Variants in FGF14 observed in about 807,000 individuals in gnomAD.
FGF14 encodes the protein fibroblast growth factor 14.
Under a neutral mutation model 25.5 loss-of-function variants are expected in FGF14, and 5 were observed. That is an observed-to-expected ratio of 0.20 (90% CI 0.10 to 0.41). The LOEUF is 0.41. Ranked by LOEUF, FGF14 falls within the 10% of genes least tolerant of loss-of-function variation. FGF14 has a pLI of 1.00. For missense variants in FGF14, 222 were observed against 320.1 expected, an observed-to-expected ratio of 0.69 and a Z score of 2.34; for synonymous variants, 138 against 118.3, an observed-to-expected ratio of 1.17 and a Z score of -1.08.
intron 3 of FGF14, among the ~76,000 whole-genome samples, chr13:101,824,216 G>A (rs2042296141): frequency 6.6e-6 from 1 of 151,972 alleles, no homozygotes; most frequent in Non-Finnish European, 1.5e-5. Context: ...TCTACTAGAA[G>A]GTCAGCTTAA....
At chr13:102,315,924 C>G (rs2055999165) in intron 1 of FGF14, among the ~76,000 whole-genome samples, 1 of 152,208 alleles carries the variant, frequency 6.6e-6, no homozygotes. Context: ...TACACTCTTT[C>G]ATGAATATAC....
intron 1 of FGF14, among the ~76,000 whole-genome samples, chr13:102,370,104 AC>A (rs954701368): frequency 1.3e-5 from 2 of 152,078 alleles, no homozygotes; most frequent in Non-Finnish European, 2.9e-5. Context: ...TAATGCTCCT[AC>A]CTCAGCCTCC....
chr13:102,081,489 G>A (rs186333195), intron 1 of FGF14, among the ~76,000 whole-genome samples: 50 of 152,044 alleles, frequency 3.3e-4, no homozygotes, highest in Middle Eastern at 3.4e-3. Flanking sequence ...AACATTCATC[G>A]ACCTTCCCAC....
chr13:102,232,352 G>A (rs940735048), intron 1 of FGF14, among the ~76,000 whole-genome samples: 1 of 152,156 alleles, frequency 6.6e-6, no homozygotes, highest in Non-Finnish European at 1.5e-5. Flanking sequence ...ACAGTAAGTT[G>A]CAATGCTATA....
intron 3 of FGF14, among the ~76,000 whole-genome samples, chr13:101,759,491 GC>G (rs2037872053): frequency 6.6e-6 from 1 of 152,112 alleles, no homozygotes; most frequent in Admixed American, 6.5e-5. Flanking sequence ...TAGCTTGGTT[GC>G]CTGGGATTCA....
intron 1 of FGF14, among the ~76,000 whole-genome samples, chr13:102,352,319 C>T (rs915122190): frequency 1.3e-5 from 2 of 150,458 alleles, no homozygotes; most frequent in Admixed American, 1.3e-4. Context: ...AATTGAAATA[C>T]CTACAGAATA....
At chr13:102,047,107 A>G (rs1453070787) in intron 1 of FGF14, among the ~76,000 whole-genome samples, 2 of 152,218 alleles carry the variant, frequency 1.3e-5, no homozygotes, top group Non-Finnish European at 2.9e-5. Context: ...AAAACTGAAT[A>G]AATAGTATAT....
chr13:102,285,640 GGATAA>G (rs746331611), intron 1 of FGF14, among the ~76,000 whole-genome samples: 21 of 152,154 alleles, frequency 1.4e-4, no homozygotes, highest in African/African-American at 4.6e-4. Context: ...TTCAGCAAAT[GGATAA>G]GATAAATCTC....
chr13:102,371,971 T>C (rs1409202242), intron 1 of FGF14, among the ~76,000 whole-genome samples: 1 of 152,184 alleles, frequency 6.6e-6, no homozygotes, highest in Non-Finnish European at 1.5e-5. Context: ...AGTTGGAAGA[T>C]GCTTAGGTTC....
At chr13:101,964,444 C>T (rs1594846894) in intron 1 of FGF14, among the ~76,000 whole-genome samples, 2 of 152,322 alleles carry the variant, frequency 1.3e-5, no homozygotes, top group East Asian at 1.9e-4. Flanking sequence ...CTATCCAGCC[C>T]ATGAAGAACA....
intron 1 of FGF14, among the ~76,000 whole-genome samples, chr13:102,183,201 A>G (rs2048744446): frequency 6.6e-6 from 1 of 152,184 alleles, no homozygotes; most frequent in African/African-American, 2.4e-5. Flanking sequence ...TATAAAAAAA[A>G]GACTCACCTA....
chr13:101,733,311 AC>A (rs2035933494), intron 3 of FGF14, among the ~76,000 whole-genome samples: 1 of 152,130 alleles, frequency 6.6e-6, no homozygotes, highest in Non-Finnish European at 1.5e-5. Flanking sequence ...TTAAGAGACA[AC>A]TTTTGGCAGT....
At chr13:102,336,356 G>A (rs1025666527) in intron 1 of FGF14, among the ~76,000 whole-genome samples, 2 of 152,146 alleles carry the variant, frequency 1.3e-5, no homozygotes, top group African/African-American at 2.4e-5. Flanking sequence ...CAACATTCCC[G>A]TAAGCCAAAG....
rs995876672 is a variant in FGF14, at chr13:101,719,131, T to A, written c.*3700A>T. 2.6e-5 allele frequency: 4 copies of A among 152,270 alleles called. No homozygotes were observed. The highest frequency in any genetic ancestry group is 6.8e-3 in the Middle Eastern group (2 of 294). 9.4% of individuals were successfully genotyped at this position (152,270 alleles called of 1,614,324 possible). On this transcript the variant is annotated 3_prime_UTR_variant, in exon 5 of 5. Transcript: ENST00000376143. ...TTGAATATGTATCAAATATTAATGA[T>A]CCATAATATTAGGGAGATAATTTTA...
Position 101,888,989 on chromosome 13 carries a change from G to A in FGF14, c.194-13693C>T, listed in dbSNP as rs74913092. Among the ~76,000 whole-genome samples, 754 of 152,196 alleles carry A rather than the reference G, an allele frequency of 5.0e-3. 3 individuals are homozygous for A. Among genetic ancestry groups the A allele is most frequent in the Admixed American group, 7.3e-3 (112 of 15,274 alleles). ...GTTGGGCCTTAGTCCAATAGGTCTG[G>A]TATCCTTATGGAAGAGGAGATTAGG... On this transcript the variant is annotated intron_variant, in intron 1 of 4. Coordinates refer to ENST00000376143, the MANE Select transcript of FGF14 (RefSeq NM_004115.4).
intron 1 of FGF14, among the ~76,000 whole-genome samples, chr13:102,127,618 TATTA>T (rs1218185264): frequency 6.6e-6 from 1 of 152,234 alleles, no homozygotes; most frequent in African/African-American, 2.4e-5. Context: ...CTTATGATTT[TATTA>T]TTTAAAATTT....
At chr13:102,070,425 G>A (rs2043108680) in intron 1 of FGF14, among the ~76,000 whole-genome samples, 1 of 152,202 alleles carries the variant, frequency 6.6e-6, no homozygotes, top group South Asian at 2.1e-4. Flanking sequence ...CTTGTACACT[G>A]TTGGTGGGAA....
intron 1 of FGF14, among the ~76,000 whole-genome samples, chr13:101,929,220 GGAAA>G (rs2034579553): frequency 1.3e-5 from 2 of 152,260 alleles, no homozygotes; most frequent in South Asian, 4.1e-4. Flanking sequence ...CAAGAACAGT[GGAAA>G]GAGTCAGCTC....
chr13:101,983,124 A>G (rs1457407932), intron 1 of FGF14, among the ~76,000 whole-genome samples: 2 of 145,694 alleles, frequency 1.4e-5, no homozygotes, highest in African/African-American at 5.7e-5. Flanking sequence ...ACTGGTAAAG[A>G]GGCTTTCAGA....
Sources: gnomAD v4.1 joint callset for allele counts (sites outside exome capture counted in the v4.1 genomes callset) on GRCh38, gnomAD v4.1.1 for gene constraint, MANE v1.5 for transcripts, NCBI Gene and HGNC (gene_info 2026-07-23, HGNC 2026-07-21) for gene names.